The following ZMYND12 variants were observed in gnomAD, a reference collection of about 807,000 sequenced individuals.
ZMYND12 encodes the protein zinc finger MYND-type containing 12.
ZMYND12 carries 32 observed loss-of-function variants against 41.7 expected under a neutral mutation model. The observed-to-expected ratio is 0.77, with a 90% CI of 0.58 to 1.03. The LOEUF (loss-of-function observed/expected upper bound fraction) is 1.03. ZMYND12 is among the 50% of genes least tolerant of loss of function. The probability of loss-of-function intolerance (pLI) is 0.00; values close to 1 mark genes in which losing one functional copy is unlikely to be tolerated. For missense variants in ZMYND12, 424 were observed against 438.5 expected, an observed-to-expected ratio of 0.97 and a Z score of 0.30; for synonymous variants, 148 against 164.8, an observed-to-expected ratio of 0.90 and a Z score of 0.78.
chr1:42,438,905 T>TGAG (rs1642935130), intron 4 of ZMYND12, among the ~76,000 whole-genome samples: 2 of 152,136 alleles, frequency 1.3e-5, no homozygotes, highest in African/African-American at 2.4e-5. Context: ...CTGGTAATAT[T>TGAG]TTCCAGTACT....
chr1:42,440,020 C>A lies in ZMYND12; in HGVS notation c.430G>T (p.Gly144Cys), dbSNP rs372155803. 6.3e-6 allele frequency: 10 copies of A among 1,593,290 alleles called. No individual in the cohort carries two copies. Among genetic ancestry groups the A allele is most frequent in the Middle Eastern group, 3.4e-4 (2 of 5,964 alleles). ...TATTCTTCAGCCTGAACGATTCGGC[C>A]CAGACCTGCCCAAAAGCAGAAAAGA... Reference protein sequence around the residue: ...LLLAEASLGLGRIVQAEEYLF... With the variant: ...LLLAEASLGLCRIVQAEEYLF... The change falls in exon 4 of 8, where the codon GGC becomes TGC. Residue 144 changes from glycine to cysteine, a missense_variant. Physicochemically the swap from Gly to Cys is radical, Grantham distance 159. Coordinates refer to ENST00000372565, the MANE Select transcript of ZMYND12 (RefSeq NM_032257.5).
chr1:42,442,019 T>C (rs1461792624), intron 3 of ZMYND12, among the ~76,000 whole-genome samples: 4 of 152,156 alleles, frequency 2.6e-5, no homozygotes, highest in Non-Finnish European at 5.9e-5. Flanking sequence ...CCTACAAATA[T>C]GGAGGGTGTA....
chr1:42,445,723 G>A (rs539386705), intron 3 of ZMYND12, among the ~76,000 whole-genome samples: 54 of 152,196 alleles, frequency 3.5e-4, no homozygotes, highest in African/African-American at 8.0e-4. Flanking sequence ...ATTTGTTAAC[G>A]GCTAGATCAA....
At chr1:42,455,700 T>C (rs1419104749) in intron 1 of ZMYND12, among the ~76,000 whole-genome samples, 188 bp downstream of exon 1, 2 of 152,146 alleles carry the variant, frequency 1.3e-5, no homozygotes, top group Non-Finnish European at 2.9e-5. Flanking sequence ...TCAGAAAACA[T>C]GAGTGACGAA....
Position 42,455,868 on chromosome 1 carries a change from TGCCACGTTTCAGG to T in ZMYND12, c.110+7_110+19del. On this transcript the variant is annotated splice_region_variant and intron_variant, in intron 1 of 7. Transcript: ENST00000372565. Reference sequence around the variant, plus strand: ...GAGGGAGGGAGTTATAGCGCCCAGGTGCCACGTTTCAGGGCCTACCAGTAATAAGTGACTGTGC... The same window carrying T: ...GAGGGAGGGAGTTATAGCGCCCAGGTGCCTACCAGTAATAAGTGACTGTGC... The T allele has an allele frequency of 1.9e-6, 3 of 1,581,502 alleles. No individual in the cohort carries two copies. Among genetic ancestry groups the T allele is most frequent in the Non-Finnish European group, 2.6e-6 (3 of 1,156,688 alleles).
At position 42,450,056 on chromosome 1, in the gene ZMYND12, C is replaced by G. The variant is rs12047095; in HGVS notation, c.114G>C (p.Gly38=). 0.22 allele frequency: 350,646 copies of G among 1,612,388 alleles called. 41,796 individuals are homozygous for G. The highest frequency in any genetic ancestry group is 0.43 in the South Asian group (39,117 of 91,048). ...CCCAGTCAGCCTTCTGATGTACCAC[C>G]CCACTGACAACGGAAACATAGACTT... ...CAACTVTYYC[G]VVHQKADWDS... is the part of the protein sequence containing the mutation. The change falls in exon 2 of 8, where the codon GGG becomes GGC. Residue 38 remains glycine, a synonymous_variant. Coordinates refer to ENST00000372565, the MANE Select transcript of ZMYND12 (RefSeq NM_032257.5).
intron 4 of ZMYND12, among the ~76,000 whole-genome samples, chr1:42,437,326 G>A (rs561154099): frequency 3.3e-5 from 5 of 152,204 alleles, no homozygotes; most frequent in African/African-American, 1.2e-4. Context: ...TGGGGTAATG[G>A]AAATGTTCTG....
At chr1:42,452,909 T>C (rs1643097720) in intron 1 of ZMYND12, among the ~76,000 whole-genome samples, 1 of 152,200 alleles carries the variant, frequency 6.6e-6, no homozygotes, top group South Asian at 2.1e-4. Context: ...GGCTTATTTT[T>C]CTTCTTGATT....
intron 4 of ZMYND12, among the ~76,000 whole-genome samples, chr1:42,436,987 C>T (rs910634481): frequency 6.6e-5 from 10 of 151,884 alleles, no homozygotes; most frequent in African/African-American, 9.7e-5. Flanking sequence ...AAGACTTGTA[C>T]GTAAATGTTT....
chr1:42,451,190 G>GT (rs1569575994), intron 1 of ZMYND12, among the ~76,000 whole-genome samples: 2 of 151,996 alleles, frequency 1.3e-5, no homozygotes, highest in African/African-American at 4.8e-5. Context: ...CTATCTAGTT[G>GT]TTCTATTCAT....
chr1:42,450,415 T>C (rs867893413), intron 1 of ZMYND12, among the ~76,000 whole-genome samples: 13 of 152,246 alleles, frequency 8.5e-5, no homozygotes, highest in African/African-American at 2.4e-4. Flanking sequence ...GTAATCTGAA[T>C]CTTCTTTTCT....
intron 4 of ZMYND12, among the ~76,000 whole-genome samples, chr1:42,439,271 CTT>C (rs10657885): frequency 6.9e-6 from 1 of 144,432 alleles, no homozygotes. Context: ...CTCTCTCTCT[CTT>C]TTTTTTTTTT....
chr1:42,446,979 T>A (rs1034096162), intron 3 of ZMYND12, among the ~76,000 whole-genome samples: 1 of 152,148 alleles, frequency 6.6e-6, no homozygotes, highest in African/African-American at 2.4e-5. Flanking sequence ...AGGATCAAAT[T>A]AACGATAGTA....
In ZMYND12 at chr1:42,430,676, G is replaced by A; in HGVS notation, c.*60C>T. 1 of 1,594,774 alleles carries A rather than the reference G, an allele frequency of 6.3e-7. No homozygotes were observed. Among genetic ancestry groups the A allele is most frequent in the Non-Finnish European group, 8.6e-7 (1 of 1,164,712 alleles). ...TACCTCAAAGCAGTTGTGCAAGGCT[G>A]GAATATATTAGATCTTCAGTAGCCC... On this transcript the variant is annotated 3_prime_UTR_variant, in exon 8 of 8. Transcript: ENST00000372565.
At chr1:42,439,282 T>TTC (rs1642940919) in intron 4 of ZMYND12, among the ~76,000 whole-genome samples, 1 of 151,860 alleles carries the variant, frequency 6.6e-6, no homozygotes, top group Non-Finnish European at 1.5e-5. Context: ...TTTTTTTTTT[T>TTC]TTGAGACGAA....
intron 6 of ZMYND12, among the ~76,000 whole-genome samples, chr1:42,433,869 C>A (rs1162797953): frequency 6.6e-6 from 1 of 152,150 alleles, no homozygotes; most frequent in Non-Finnish European, 1.5e-5. Flanking sequence ...TTTAAAAGCA[C>A]TTATACAAGT....
intron 7 of ZMYND12, 194 bp downstream of exon 7, chr1:42,432,949 A>C: frequency 6.5e-6 from 4 of 618,400 alleles, no homozygotes; most frequent in East Asian, 3.2e-5. Context: ...CCTCGGGGGA[A>C]GAAGACAATC....
Position 42,436,511 on chromosome 1 carries a change from C to T in ZMYND12, c.627G>A (p.Glu209=). The T allele has an allele frequency of 6.2e-7, 1 of 1,613,534 alleles. No individual in the cohort carries two copies. Among genetic ancestry groups the T allele is most frequent in the Non-Finnish European group, 8.5e-7 (1 of 1,179,562 alleles). The change falls in exon 5 of 8, where the codon GAG becomes GAA. Residue 209 remains glutamate, a synonymous_variant. Transcript: ENST00000372565. ...IYFASCAFGT[E]DIRTSGGYFH... ...AGTAGCCTCCTGAAGTCCTAATGTC[C>T]TCTGTTCCAAATGCACAACTGGCAA...
At chr1:42,449,119 A>G (rs1202234734) in intron 2 of ZMYND12, among the ~76,000 whole-genome samples, 2 of 152,220 alleles carry the variant, frequency 1.3e-5, no homozygotes, top group Non-Finnish European at 2.9e-5. Context: ...GTGTCATAAC[A>G]CTAAAATGGA....
Sources: allele counts gnomAD v4.1 joint callset (sites outside exome capture counted in the v4.1 genomes callset), GRCh38; gene constraint gnomAD v4.1.1; transcripts MANE v1.5; gene names NCBI Gene and HGNC (gene_info 2026-07-23, HGNC 2026-07-21).